The following SCN2A variants were observed in gnomAD, a reference collection of about 807,000 sequenced individuals.
The protein encoded by SCN2A is sodium voltage-gated channel alpha subunit 2.
Under a neutral mutation model 188.7 loss-of-function variants are expected in SCN2A, and 20 were observed. That is an observed-to-expected ratio of 0.11 (90% confidence interval 0.07 to 0.15). The LOEUF is 0.15. Ranked by LOEUF, SCN2A falls within the 10% of genes least tolerant of loss-of-function variation. SCN2A has a pLI of 1.00. For synonymous variants in SCN2A, 804 were observed against 833.1 expected (o/e 0.97, Z 0.60); for missense variants, 1,278 against 2,445.0 (o/e 0.52, Z 10.07).
At chr2:165,365,697 T>A (rs2105356803) in intron 18 of SCN2A, among the ~76,000 whole-genome samples, 2 of 152,234 alleles carry the variant, frequency 1.3e-5, no homozygotes, top group African/African-American at 4.8e-5. Flanking sequence ...TTATAATGGG[T>A]AATAATTGAT....
chr2:165,372,306 A>G (rs896493369), intron 20 of SCN2A: 4 of 152,174 alleles, frequency 2.6e-5, no homozygotes, highest in Admixed American at 1.3e-4. Flanking sequence ...ATTATTTTGA[A>G]TAAGTTGTTT....
intron 14 of SCN2A, among the ~76,000 whole-genome samples, chr2:165,341,393 C>G (rs78386489): frequency 0.03 from 4,606 of 152,170 alleles, 212 homozygotes; most frequent in African/African-American, 0.1. Flanking sequence ...GCGCCCGGCC[C>G]ACAGTGGTGA....
Position 165,314,075 on chromosome 2 carries a change from C to T in SCN2A, c.1350C>T (p.Leu450=), listed in dbSNP as rs750850028. The T allele has an allele frequency of 2.5e-6, 4 of 1,613,466 alleles. No homozygotes were observed. The highest frequency in any genetic ancestry group is 2.2e-5 in the East Asian group (1 of 44,852). The part of the protein sequence containing the change: ...EQKEAEFQQM[L]EQLKKQQEEA... ...AGGAAGCTGAATTTCAGCAGATGCT[C>T]GAACAGTTGAAAAAGCAACAAGAAG... Residue 450 remains leucine, a synonymous_variant, in exon 10 of 27, where the codon CTC becomes CTT. Coordinates refer to ENST00000375437, the MANE Select transcript of SCN2A (RefSeq NM_001040142.2).
At chr2:165,385,437 G>A (rs149377767) in intron 25 of SCN2A, among the ~76,000 whole-genome samples, 9 of 152,126 alleles carry the variant, frequency 5.9e-5, no homozygotes, top group Non-Finnish European at 1.3e-4. Context: ...AAGACATAAG[G>A]CAATTAGTAC....
chr2:165,355,476 T>C (rs1181358351), intron 17 of SCN2A, among the ~76,000 whole-genome samples: 1 of 152,182 alleles, frequency 6.6e-6, no homozygotes, highest in East Asian at 1.9e-4. Context: ...GAGAGGAATT[T>C]AAAACCTTGA....
intron 22 of SCN2A, among the ~76,000 whole-genome samples, chr2:165,376,469 C>T (rs1701319772): frequency 6.6e-6 from 1 of 151,936 alleles, no homozygotes; most frequent in Non-Finnish European, 1.5e-5. Flanking sequence ...TCTGTGTTTA[C>T]AAATACTTCC....
chr2:165,350,511 C>T (rs1435167010), intron 16 of SCN2A, among the ~76,000 whole-genome samples: 2 of 116,856 alleles, frequency 1.7e-5, no homozygotes, highest in Admixed American at 2.0e-4. Flanking sequence ...CTCGCTCTGT[C>T]GCCCAGGCTG....
intron 17 of SCN2A, among the ~76,000 whole-genome samples, chr2:165,358,620 C>A (rs1187747956): frequency 1.3e-5 from 2 of 151,990 alleles, no homozygotes; most frequent in Non-Finnish European, 2.9e-5. Context: ...TAATGAGAGA[C>A]TTATAGATGG....
At chr2:165,376,782 C>A (rs1701337796) in intron 22 of SCN2A, among the ~76,000 whole-genome samples, 1 of 151,906 alleles carries the variant, frequency 6.6e-6, no homozygotes, top group Admixed American at 6.6e-5. Flanking sequence ...GAAAATTGCT[C>A]TCTTGCAAAT....
intron 3 of SCN2A, among the ~76,000 whole-genome samples, chr2:165,305,313 G>A (rs951696978): frequency 8.5e-5 from 13 of 152,220 alleles, no homozygotes; most frequent in Non-Finnish European, 1.8e-4. Flanking sequence ...AAAATTTGAA[G>A]TGTTGATAAG....
At position 165,389,836 on chromosome 2, in the gene SCN2A, G is replaced by T. The variant is rs759934742; in HGVS notation, c.*12G>T. 6 of 1,590,668 alleles carry T rather than the reference G, an allele frequency of 3.8e-6. No homozygotes were observed. The African/African-American group carries it at 4.0e-5, about 11-fold the overall frequency. The stretch of plus-strand genomic sequence containing the variant: ...AAAGTAAAAAGTAAAAAGAAACCAA[G>T]AATTTTCCATTTTGTGATCAATTGT... On this transcript the variant is annotated 3_prime_UTR_variant, in exon 27 of 27. Coordinates refer to ENST00000375437, the MANE Select transcript of SCN2A (RefSeq NM_001040142.2). The surrounding 1 kb of genome is among the most constrained non-coding windows in gnomAD (Gnocchi z 4.2).
intron 23 of SCN2A, among the ~76,000 whole-genome samples, 175 bp downstream of exon 23, chr2:165,377,825 A>AT: frequency 6.6e-6 from 1 of 151,830 alleles, no homozygotes; most frequent in African/African-American, 2.4e-5. Context: ...TCATAGGATG[A>AT]TTTTCTCTAA....
chr2:165,243,189 T>C (rs1292720683), intron 1 of SCN2A, among the ~76,000 whole-genome samples: 1 of 152,198 alleles, frequency 6.6e-6, no homozygotes, highest in Non-Finnish European at 1.5e-5. Context: ...ATATCTATTA[T>C]ACATATCTAG....
intron 1 of SCN2A, among the ~76,000 whole-genome samples, chr2:165,287,035 G>A (rs1449201905): frequency 6.6e-6 from 1 of 152,114 alleles, no homozygotes; most frequent in Non-Finnish European, 1.5e-5. Flanking sequence ...TTTGGCTGAG[G>A]GGAAGAAGTA....
At chr2:165,318,713 A>G (rs1322674549) in intron 11 of SCN2A, among the ~76,000 whole-genome samples, 1 of 152,208 alleles carries the variant, frequency 6.6e-6, no homozygotes, top group Non-Finnish European at 1.5e-5. Context: ...GTTAAAATAT[A>G]AACTCTTACT....
intron 14 of SCN2A, among the ~76,000 whole-genome samples, 167 bp downstream of exon 14, chr2:165,331,735 C>A (rs1698689797): frequency 6.6e-6 from 1 of 152,048 alleles, no homozygotes; most frequent in African/African-American, 2.4e-5. Context: ...TACCATAGTG[C>A]AAAAGAGTCA....
intron 8 of SCN2A, among the ~76,000 whole-genome samples, chr2:165,312,590 T>C (rs951689319): frequency 3.3e-5 from 5 of 152,092 alleles, no homozygotes; most frequent in Non-Finnish European, 7.4e-5. Context: ...TGCCTTCGTT[T>C]CCTTATATGA....
chr2:165,248,265 G>T (rs907734105), intron 1 of SCN2A, among the ~76,000 whole-genome samples: 1 of 152,090 alleles, frequency 6.6e-6, no homozygotes, highest in Non-Finnish European at 1.5e-5. Flanking sequence ...AGGGTAAAAG[G>T]CACCTGACAA....
intron 3 of SCN2A, among the ~76,000 whole-genome samples, chr2:165,300,197 T>C (rs987569639): frequency 1.3e-5 from 2 of 152,230 alleles, no homozygotes; most frequent in Non-Finnish European, 2.9e-5. Context: ...TCAGCTTTTA[T>C]TATTTTAAGT....
Sources: gnomAD v4.1 joint callset for allele counts (sites outside exome capture counted in the v4.1 genomes callset) on GRCh38, gnomAD v4.1.1 for gene constraint, Gnocchi (gnomAD v3.1) non-coding constraint, MANE v1.5 for transcripts, NCBI Gene and HGNC (gene_info 2026-07-23, HGNC 2026-07-21) for gene names.